The following CATSPERT variants were observed in gnomAD, a reference collection of about 807,000 sequenced individuals.
The protein encoded by CATSPERT is cation channel sperm-associated targeting subunit tau.
chr2:201,508,241 G>A, the CATSPERT span, among the ~76,000 whole-genome samples: 109 of 152,292 alleles, frequency 7.2e-4, no homozygotes, highest in African/African-American at 2.5e-3. Flanking sequence ...TAAACTGAGA[G>A]AACTATAGGA....
chr2:201,612,570 A>G, the CATSPERT span, among the ~76,000 whole-genome samples: 1 of 115,488 alleles, frequency 8.7e-6, no homozygotes, highest in African/African-American at 3.4e-5. Flanking sequence ...ACAGAATGAG[A>G]CTCCATCTTG....
At chr2:201,492,282 C>T in the CATSPERT span, 1 of 1,533,460 alleles carries the variant, frequency 6.5e-7, no homozygotes, top group South Asian at 1.2e-5. Flanking sequence ...TAGAATTAAG[C>T]AAATTTATAT....
chr2:201,524,618 A>G, the CATSPERT span, among the ~76,000 whole-genome samples: 1 of 152,206 alleles, frequency 6.6e-6, no homozygotes, highest in Admixed American at 6.5e-5. Context: ...ATCCACATAA[A>G]TCAATATTAA....
the CATSPERT span, chr2:201,535,664 T>C: frequency 5.1e-6 from 6 of 1,185,346 alleles, no homozygotes; most frequent in East Asian, 2.2e-4. Flanking sequence ...TCTTGAAAGT[T>C]TTTTATCCTC....
At chr2:201,608,169 A>G in the CATSPERT span, among the ~76,000 whole-genome samples, 1 of 152,152 alleles carries the variant, frequency 6.6e-6, no homozygotes, top group African/African-American at 2.4e-5. Flanking sequence ...CATGGGGCAG[A>G]CAGGGTCTTG....
the CATSPERT span, among the ~76,000 whole-genome samples, chr2:201,596,694 T>G: frequency 6.6e-6 from 1 of 152,344 alleles, no homozygotes; most frequent in East Asian, 1.9e-4. Context: ...AGCTTCAATT[T>G]GAATGATTTT....
chr2:201,606,581 A>G, the CATSPERT span, among the ~76,000 whole-genome samples: 1 of 152,130 alleles, frequency 6.6e-6, no homozygotes, highest in Non-Finnish European at 1.5e-5. Context: ...AAACCAAAAG[A>G]TAGTGGGGAA....
the CATSPERT span, among the ~76,000 whole-genome samples, chr2:201,574,571 G>A: frequency 7.2e-5 from 11 of 151,968 alleles, no homozygotes; most frequent in African/African-American, 1.2e-4. Context: ...ATATATACAC[G>A]TGATTCAAAC....
At chr2:201,547,377 C>T in the CATSPERT span, 8 of 544,316 alleles carry the variant, frequency 1.5e-5, no homozygotes, top group Non-Finnish European at 2.5e-5. Flanking sequence ...CAGGTAAGTA[C>T]CTGAACCATG....
chr2:201,580,522 C>A, the CATSPERT span, among the ~76,000 whole-genome samples: 2 of 152,240 alleles, frequency 1.3e-5, no homozygotes, highest in East Asian at 1.9e-4. Flanking sequence ...TCTTCCTATG[C>A]CACATCTTTT....
chr2:201,615,026 C>T, the CATSPERT span, among the ~76,000 whole-genome samples: 2 of 152,168 alleles, frequency 1.3e-5, no homozygotes, highest in African/African-American at 4.8e-5. Context: ...TATGTATGCA[C>T]CCAATATAGG....
the CATSPERT span, among the ~76,000 whole-genome samples, chr2:201,567,651 C>T: frequency 0.41 from 62,473 of 152,008 alleles, 13,432 homozygotes; most frequent in East Asian, 0.74. Flanking sequence ...CAAAGATAGG[C>T]GGGAGGAATT....
the CATSPERT span, chr2:201,536,197 A>C: frequency 6.2e-7 from 1 of 1,613,142 alleles, no homozygotes; most frequent in East Asian, 2.2e-5. Flanking sequence ...GTGCACAATG[A>C]GTGCACTTCT....
the CATSPERT span, among the ~76,000 whole-genome samples, chr2:201,577,629 C>T: frequency 1.3e-5 from 2 of 152,082 alleles, no homozygotes; most frequent in African/African-American, 2.4e-5. Context: ...TGAAATAAGC[C>T]AGGCACAGAA....
the CATSPERT span, among the ~76,000 whole-genome samples, chr2:201,542,737 A>G: frequency 2.4e-4 from 37 of 152,138 alleles, no homozygotes; most frequent in African/African-American, 8.0e-4. Flanking sequence ...AAGTTTCCTT[A>G]TATGTTTTGG....
the CATSPERT span, among the ~76,000 whole-genome samples, chr2:201,502,337 G>T: frequency 6.6e-6 from 1 of 152,254 alleles, no homozygotes; most frequent in Middle Eastern, 3.4e-3. Flanking sequence ...ACTTTGGGAG[G>T]CCGACATGGG....
At chr2:201,487,894 TG>T in the CATSPERT span, 2 of 1,600,622 alleles carry the variant, frequency 1.2e-6, no homozygotes, top group Non-Finnish European at 8.5e-7. Flanking sequence ...CAAATTTATC[TG>T]AACAATCCTA....
the CATSPERT span, among the ~76,000 whole-genome samples, chr2:201,522,896 C>T: frequency 6.6e-6 from 1 of 152,348 alleles, no homozygotes; most frequent in Non-Finnish European, 1.5e-5. Context: ...CTTCCATCCT[C>T]CCATCTGCTG....
the CATSPERT span, chr2:201,494,390 C>T: frequency 2.0e-6 from 3 of 1,537,230 alleles, no homozygotes; most frequent in Non-Finnish European, 2.6e-6. Context: ...CATGTGTTTG[C>T]CTGTACATTT....
Sources: gnomAD v4.1 joint callset for allele counts (sites outside exome capture counted in the v4.1 genomes callset) on GRCh38, gnomAD v4.1.1 for gene constraint, MANE v1.5 for transcripts, NCBI Gene and HGNC (gene_info 2026-07-23, HGNC 2026-07-21) for gene names.